Variants in RP1 observed in about 807,000 individuals in gnomAD.
RP1 encodes the protein oxygen-regulated protein 1.
A neutral mutation model predicts 14.8 loss-of-function variants in RP1; 16 were observed. The observed-to-expected ratio is 1.08, with a 90% CI of 0.73 to 1.65. The LOEUF (loss-of-function observed/expected upper bound fraction) is 1.65. Ranked by LOEUF, RP1 falls within the 40% of genes most tolerant of loss-of-function variation. RP1 has a pLI of 0.00. For synonymous variants in RP1, 876 were observed against 883.6 expected (o/e 0.99, Z 0.15); for missense variants, 2,631 against 2,535.0 (o/e 1.04, Z -0.81).
At chr8:54,581,980 C>T (rs1176526950) in intron 1 of RP1, among the ~76,000 whole-genome samples, 2 of 152,118 alleles carry the variant, frequency 1.3e-5, no homozygotes, top group Non-Finnish European at 1.5e-5. Flanking sequence ...GTAGTTTCTT[C>T]TGCTGTGCAG....
In RP1 at chr8:54,663,844, A is replaced by G. The variant is rs981244218; in HGVS notation, c.1317A>G (p.Arg439=). Residue 439 remains arginine, a synonymous_variant, in exon 7 of 23, where the codon AGA becomes AGG. Transcript: ENST00000636932. ...CGAAGAGCTCCTTCAATTTTTTAAG[A>G]GGACAAGTAAGCAAAATGCCCTTTG... 8 of 1,522,222 alleles carry G rather than the reference A, an allele frequency of 5.3e-6. No individual in the cohort carries two copies. In the Admixed American group the frequency reaches 1.3e-4, roughly 24 times the overall value. 94.3% of individuals were successfully genotyped at this position (1,522,222 alleles called of 1,614,324 possible).
In RP1 at chr8:54,618,269, CA is replaced by C. The variant is rs1375347832; in HGVS notation, c.-13+2068del. The stretch of plus-strand genomic sequence containing the variant: ...AAAACCAATGCTCAGGGCTGGGTAG[CA>C]GTGGGATAGGGACAATGGCAGCTGC... On this transcript the variant is annotated intron_variant, in intron 1 of 3. Coordinates refer to ENST00000220676, the MANE Select transcript of RP1 (RefSeq NM_006269.2). Among the ~76,000 whole-genome samples the C allele has an allele frequency of 2.0e-5, 3 of 152,160 alleles. No individual in the cohort carries two copies. In the East Asian group the frequency reaches 5.8e-4, roughly 29 times the overall value.
intron 13 of RP1, among the ~76,000 whole-genome samples, chr8:54,700,622 GTTGAAGAA>G (rs1351942909): frequency 6.6e-6 from 1 of 152,132 alleles, no homozygotes; most frequent in Non-Finnish European, 1.5e-5. Context: ...TGAATTAAGA[GTTGAAGAA>G]ATATCTCTTC....
At chr8:54,599,823 A>G (rs1263594154) in intron 1 of RP1, among the ~76,000 whole-genome samples, 1 of 152,180 alleles carries the variant, frequency 6.6e-6, no homozygotes, top group Non-Finnish European at 1.5e-5. Context: ...TAAAGGTTGC[A>G]TTCCGGACAT....
chr8:54,690,456 T>G (rs548844072), intron 12 of RP1, among the ~76,000 whole-genome samples: 69 of 152,122 alleles, frequency 4.5e-4, no homozygotes, highest in African/African-American at 1.6e-3. Flanking sequence ...CTGAGCAGAG[T>G]TTGAAAGACC....
intron 12 of RP1, among the ~76,000 whole-genome samples, chr8:54,698,858 G>C (rs1352435752): frequency 6.6e-6 from 1 of 152,042 alleles, no homozygotes. Context: ...TGGACATAGG[G>C]AGGGGAACAT....
intron 28 of RP1, among the ~76,000 whole-genome samples, chr8:54,868,598 T>C (rs1812512166): frequency 6.6e-6 from 1 of 152,090 alleles, no homozygotes. Context: ...CTCTGGAAAG[T>C]TTTAATTTAG....
At position 54,592,240 on chromosome 8, in the gene RP1, T is replaced by C. The variant is rs148202752; in HGVS notation, c.-12-28715T>C. 3.3e-5 allele frequency among the ~76,000 whole-genome samples: 5 copies of C among 152,338 alleles called. No homozygotes were observed. In the East Asian group the frequency reaches 9.7e-4, roughly 29 times the overall value. On this transcript the variant is annotated intron_variant, in intron 1 of 22. Transcript: ENST00000636932. ...TAGGAGCTGAACAAGCTACATAATT[T>C]CTTTCCATTAAGGGCACAGGTACTT...
rs1350138700 is a variant in RP1 at position 54,628,316 on chromosome 8, C to A, written c.4434C>A (p.Ile1478=). The change falls in exon 4 of 4, where the codon ATC becomes ATA. Residue 1478 remains isoleucine (I), a synonymous_variant. Transcript: ENST00000220676. ...AATTAGAAAACCATGACACTGATAT[C>A]TTTAATACAGTGGTAAATGGAGGAG... ...FEELENHDTD[I]FNTVVNGGEQ... is the part of the protein sequence containing the mutation. 4 of 1,613,574 alleles carry A rather than the reference C, an allele frequency of 2.5e-6. No homozygotes were observed. The highest frequency in any genetic ancestry group is 2.2e-5 in the East Asian group (1 of 44,858).
chr8:54,663,124 A>G (rs1806937814), intron 6 of RP1, among the ~76,000 whole-genome samples: 2 of 152,140 alleles, frequency 1.3e-5, no homozygotes. Flanking sequence ...CCTGATGTGA[A>G]TCACCCCTTT....
chr8:54,864,032 A>G (rs887457161), intron 27 of RP1, among the ~76,000 whole-genome samples: 1 of 152,262 alleles, frequency 6.6e-6, no homozygotes, highest in African/African-American at 2.4e-5. Flanking sequence ...AGTGTATCAA[A>G]GAAATGAAAA....
In RP1 at chr8:54,625,191, G is replaced by A. The variant is rs867023037; in HGVS notation, c.1309G>A (p.Gly437Arg). The A allele has an allele frequency of 6.2e-7, 1 of 1,614,124 alleles. No homozygotes were observed. The highest frequency in any genetic ancestry group is 8.5e-7 in the Non-Finnish European group (1 of 1,180,028). Reference protein sequence around the residue: ...NATVDTDIIQGTQDQAKHRFY... With the variant: ...NATVDTDIIQRTQDQAKHRFY... ...TACTGTGGACACAGATATCATCCAG[G>A]GAACTCAAGACCAAGCAAAGCATCG... The change falls in exon 4 of 4, where the codon GGA becomes AGA. Residue 437 changes from glycine (G) to arginine (R), a missense_variant. Coordinates refer to ENST00000220676, the MANE Select transcript of RP1 (RefSeq NM_006269.2).
intron 24 of RP1, among the ~76,000 whole-genome samples, chr8:54,832,654 A>C (rs1016088449): frequency 7.2e-5 from 11 of 151,794 alleles, no homozygotes; most frequent in African/African-American, 1.9e-4. Context: ...CAGTTTGTTC[A>C]TACGTCTAGT....
intron 24 of RP1, among the ~76,000 whole-genome samples, chr8:54,819,642 G>A (rs1476097418): frequency 6.6e-6 from 1 of 152,172 alleles, no homozygotes; most frequent in Non-Finnish European, 1.5e-5. Flanking sequence ...GGAATTGAGT[G>A]TTGTGATCTG....
chr8:54,773,466 A>G (rs556976354), downstream of RP1, among the ~76,000 whole-genome samples: 428 of 152,092 alleles, frequency 2.8e-3, 5 homozygotes, highest in South Asian at 0.018. Context: ...GTGAAACTCG[A>G]TCTCTACTAA....
At chr8:54,739,564 G>A (rs1170211540) in intron 19 of RP1, among the ~76,000 whole-genome samples, 5 of 151,796 alleles carry the variant, frequency 3.3e-5, no homozygotes, top group Admixed American at 6.6e-5. Context: ...TGAAGAATAC[G>A]GTGAAGTGTA....
At chr8:54,590,223 C>A (rs1805016465) in intron 1 of RP1, among the ~76,000 whole-genome samples, 1 of 152,212 alleles carries the variant, frequency 6.6e-6, no homozygotes, top group Non-Finnish European at 1.5e-5. Context: ...TATCACGTAT[C>A]TCAGAGAACA....
chr8:54,852,613 C>G lies in RP1; in HGVS notation c.3875C>G (p.Thr1292Arg), dbSNP rs1307470175. The G allele has an allele frequency of 6.5e-6, 8 of 1,231,626 alleles. No individual in the cohort carries two copies. In the East Asian group the frequency reaches 2.2e-4, roughly 34 times the overall value. The allele number at this position is 1,231,626 out of a possible 1,614,324, so 76.3% of individuals were successfully genotyped here. ...ATTCGCATATACACAGGCACAATGACAGGTGCAGAAACAGAGTCTAATGTA... is the reference window on the plus strand; with the variant it reads ...ATTCGCATATACACAGGCACAATGAGAGGTGCAGAAACAGAGTCTAATGTA... Residue 1292 changes from threonine to arginine, a missense_variant, in exon 26 of 29, where the codon ACA (threonine) becomes AGA (arginine). Physicochemically the swap from Thr to Arg is moderately conservative, Grantham distance 71 (BLOSUM62 -1). Transcript: ENST00000637698.
chr8:54,574,354 C>T (rs1804597578), intron 1 of RP1, among the ~76,000 whole-genome samples: 1 of 152,072 alleles, frequency 6.6e-6, no homozygotes, highest in Non-Finnish European at 1.5e-5. Context: ...CCACGCATGG[C>T]TATTGCTGGT....
Sources: allele counts gnomAD v4.1 joint callset (sites outside exome capture counted in the v4.1 genomes callset), GRCh38; gene constraint gnomAD v4.1.1; transcripts MANE v1.5; gene names NCBI Gene and HGNC (gene_info 2026-07-23, HGNC 2026-07-21).